Variants in AKAP13 observed in about 807,000 individuals in gnomAD.
The protein encoded by AKAP13 is A-kinase anchor protein 13.
Under a neutral mutation model 264.5 loss-of-function variants are expected in AKAP13, and 80 were observed. That is an observed-to-expected ratio of 0.30 (90% CI 0.25 to 0.36). The LOEUF (loss-of-function observed/expected upper bound fraction) is 0.36. Ranked by LOEUF, AKAP13 falls within the 10% of genes least tolerant of loss-of-function variation. The probability of loss-of-function intolerance (pLI) is 1.00; values close to 1 mark genes in which losing one functional copy is unlikely to be tolerated. For synonymous variants in AKAP13, 1,380 were observed against 1,250.2 expected, an observed-to-expected ratio of 1.10 and a Z score of -2.19; for missense variants, 3,712 against 3,435.2, an observed-to-expected ratio of 1.08 and a Z score of -2.01.
chr15:85,539,116 C>T (rs1450560584), intron 4 of AKAP13, among the ~76,000 whole-genome samples: 2 of 152,170 alleles, frequency 1.3e-5, no homozygotes, highest in Non-Finnish European at 2.9e-5. Flanking sequence ...AGGCATGAGC[C>T]ACTGTGCCTG....
At chr15:85,445,191 A>C (rs368844784) in intron 1 of AKAP13, among the ~76,000 whole-genome samples, 1 of 152,334 alleles carries the variant, frequency 6.6e-6, no homozygotes, top group East Asian at 1.9e-4. Flanking sequence ...GATGCTGGAT[A>C]ACTCTTGTGA....
chr15:85,681,970 C>A (rs1349215262), intron 14 of AKAP13, among the ~76,000 whole-genome samples, 188 bp from the exon 15 acceptor site: 1 of 152,154 alleles, frequency 6.6e-6, no homozygotes, highest in Admixed American at 6.5e-5. Flanking sequence ...CTACCTACTT[C>A]TGGTTCTAAT....
intron 1 of AKAP13, among the ~76,000 whole-genome samples, chr15:85,419,365 C>T (rs556168768): frequency 6.6e-6 from 1 of 152,122 alleles, no homozygotes; most frequent in Non-Finnish European, 1.5e-5. Flanking sequence ...AAAGACTCAC[C>T]GATCATACTG....
At chr15:85,689,473 G>A (rs1456681423) in intron 16 of AKAP13, among the ~76,000 whole-genome samples, 2 of 152,104 alleles carry the variant, frequency 1.3e-5, no homozygotes, top group Non-Finnish European at 2.9e-5. Flanking sequence ...GTGTCCTAGT[G>A]CAGTTGTTAC....
intron 4 of AKAP13, among the ~76,000 whole-genome samples, chr15:85,542,521 T>C (rs766370326): frequency 9.9e-5 from 15 of 152,192 alleles, no homozygotes; most frequent in Non-Finnish European, 1.6e-4. Context: ...AGAAAACCAC[T>C]GGGGTCCAAA....
At chr15:85,522,731 ACTCTG>A (rs1169784634) in intron 3 of AKAP13, among the ~76,000 whole-genome samples, 1 of 151,714 alleles carries the variant, frequency 6.6e-6, no homozygotes, top group Non-Finnish European at 1.5e-5. Context: ...TGGGTATTAG[ACTCTG>A]CTCCTTTCCT....
chr15:85,401,043 T>C (rs1402992442), intron 1 of AKAP13, among the ~76,000 whole-genome samples: 1 of 151,868 alleles, frequency 6.6e-6, no homozygotes, highest in Non-Finnish European at 1.5e-5. Flanking sequence ...CATATTTTTA[T>C]TGGAGATTGG....
At chr15:85,608,414 C>T (rs924553316) in intron 8 of AKAP13, among the ~76,000 whole-genome samples, 1 of 152,184 alleles carries the variant, frequency 6.6e-6, no homozygotes, top group African/African-American at 2.4e-5. Context: ...TTGGATGTAT[C>T]ATACCATTTT....
At chr15:85,610,947 C>G (rs1407292662) in intron 8 of AKAP13, among the ~76,000 whole-genome samples, 2 of 152,226 alleles carry the variant, frequency 1.3e-5, no homozygotes, top group African/African-American at 4.8e-5. Flanking sequence ...CCACTGCGCT[C>G]CAGCCTGGGC....
intron 1 of AKAP13, among the ~76,000 whole-genome samples, chr15:85,407,444 T>A (rs2071726880): frequency 6.6e-6 from 1 of 151,674 alleles, no homozygotes; most frequent in Non-Finnish European, 1.5e-5. Context: ...TTCACCATGT[T>A]GGCCAGGCTG....
intron 19 of AKAP13, among the ~76,000 whole-genome samples, chr15:85,711,835 G>A (rs1346569793): frequency 2.6e-5 from 4 of 152,068 alleles, no homozygotes; most frequent in Admixed American, 2.6e-4. Context: ...TGTGGTGTGT[G>A]GGAGTGTGTT....
intron 2 of AKAP13, among the ~76,000 whole-genome samples, chr15:85,501,040 C>A (rs1176976775): frequency 6.6e-6 from 1 of 152,166 alleles, no homozygotes; most frequent in Non-Finnish European, 1.5e-5. Context: ...GGAGTATTTC[C>A]TACCATTCCT....
At position 85,693,466 on chromosome 15, in the gene AKAP13, T is replaced by G. The variant is rs143546972; in HGVS notation, c.5464+15T>G. The G allele has an allele frequency of 6.2e-7, 1 of 1,609,832 alleles. No individual in the cohort carries two copies. The highest frequency in any genetic ancestry group is 8.5e-7 in the Non-Finnish European group (1 of 1,178,948). The stretch of plus-strand genomic sequence containing the variant: ...TACTTGTGCAAGTAAGAGACATGCT[T>G]CTTCCTCTCGTAAGATGGAACTCTC... On this transcript the variant is annotated intron_variant, in intron 17 of 36. Coordinates refer to ENST00000394518, the MANE Select transcript of AKAP13 (RefSeq NM_007200.5).
At chr15:85,589,272 G>A (rs2079487787) in intron 8 of AKAP13, among the ~76,000 whole-genome samples, 1 of 152,068 alleles carries the variant, frequency 6.6e-6, no homozygotes, top group Non-Finnish European at 1.5e-5. Flanking sequence ...ATGCTTTGTG[G>A]GACATATGGT....
chr15:85,449,459 A>C (rs1485232743), intron 1 of AKAP13, among the ~76,000 whole-genome samples: 5 of 152,090 alleles, frequency 3.3e-5, no homozygotes, highest in Non-Finnish European at 5.9e-5. Context: ...GATTTCCAAT[A>C]CTATGTTGAA....
chr15:85,398,979 A>G (rs1201741106), intron 1 of AKAP13, among the ~76,000 whole-genome samples: 2 of 152,028 alleles, frequency 1.3e-5, no homozygotes, highest in African/African-American at 4.8e-5. Flanking sequence ...CTATGCTATT[A>G]TAAACATTGC....
intron 1 of AKAP13, among the ~76,000 whole-genome samples, chr15:85,431,058 T>A (rs1191809349): frequency 2.0e-5 from 3 of 152,184 alleles, no homozygotes; most frequent in Non-Finnish European, 4.4e-5. Flanking sequence ...AAGGTCATAG[T>A]TAGTGCATAA....
chr15:85,725,849 A>G (rs897746206), intron 26 of AKAP13, among the ~76,000 whole-genome samples: 4 of 152,166 alleles, frequency 2.6e-5, no homozygotes, highest in Admixed American at 2.6e-4. Context: ...ATTCACATGT[A>G]CCTGTAAGAC....
At chr15:85,439,692 T>C (rs1195504059) in intron 1 of AKAP13, among the ~76,000 whole-genome samples, 49 of 143,922 alleles carry the variant, frequency 3.4e-4, no homozygotes, top group African/African-American at 1.2e-3. Flanking sequence ...AAATTGGAAA[T>C]CATCATTCTC....
Sources: gnomAD v4.1 joint callset for allele counts (sites outside exome capture counted in the v4.1 genomes callset) on GRCh38, gnomAD v4.1.1 for gene constraint, MANE v1.5 for transcripts, NCBI Gene and HGNC (gene_info 2026-07-23, HGNC 2026-07-21) for gene names.